Variants in DNM3 observed in about 807,000 individuals in gnomAD.
DNM3 encodes dynamin 3.
In DNM3, 47 loss-of-function variants were observed where a neutral mutation model predicts 101.6. The ratio of observed to expected loss-of-function variants is 0.46; its 90% confidence interval spans 0.37 to 0.59. The LOEUF (loss-of-function observed/expected upper bound fraction) is 0.59, where lower values mean the gene tolerates loss of function less well. Among genes scored for constraint, DNM3 ranks in the 20% least tolerant of loss-of-function variants. The pLI, the probability that DNM3 is intolerant of heterozygous loss-of-function variation, is 0.00. For missense variants in DNM3, 849 were observed against 1,085.7 expected (o/e 0.78, Z 3.06); for synonymous variants, 385 against 387.9 (o/e 0.99, Z 0.09).
chr1:172,367,898 G>A (rs188948153), intron 17 of DNM3, among the ~76,000 whole-genome samples: 12 of 151,922 alleles, frequency 7.9e-5, no homozygotes, highest in Admixed American at 3.9e-4. Flanking sequence ...AATCATGGGG[G>A]TGGTTTCCCC....
chr1:172,115,793 T>C (rs2055847182), intron 13 of DNM3, among the ~76,000 whole-genome samples: 1 of 152,206 alleles, frequency 6.6e-6, no homozygotes, highest in Non-Finnish European at 1.5e-5. Flanking sequence ...GTGAAAAACA[T>C]CATTTTCTCT....
intron 15 of DNM3, chr1:172,289,916 T>C (rs1245227660): frequency 7.3e-6 from 7 of 956,638 alleles, no homozygotes; most frequent in Non-Finnish European, 8.7e-6. Context: ...ACTGTAGATA[T>C]GTGAAATCAG....
At chr1:172,196,710 A>G (rs374853289) in intron 14 of DNM3, among the ~76,000 whole-genome samples, 3 of 152,010 alleles carry the variant, frequency 2.0e-5, no homozygotes, top group East Asian at 3.9e-4. Flanking sequence ...TCTTCTGTTG[A>G]GAAGTCTCTG....
chr1:171,998,533 T>G (rs2046154978), intron 4 of DNM3, among the ~76,000 whole-genome samples: 1 of 152,164 alleles, frequency 6.6e-6, no homozygotes, highest in African/African-American at 2.4e-5. Context: ...AAATAATGAA[T>G]GCTCACTTAC....
intron 15 of DNM3, among the ~76,000 whole-genome samples, chr1:172,283,214 C>T (rs1024887734): frequency 6.6e-6 from 1 of 152,172 alleles, no homozygotes; most frequent in Non-Finnish European, 1.5e-5. Flanking sequence ...CTGCTGTCAT[C>T]TTGCAGATAT....
chr1:172,373,231 T>C (rs774795669), intron 17 of DNM3, among the ~76,000 whole-genome samples: 6 of 152,070 alleles, frequency 3.9e-5, no homozygotes, highest in Non-Finnish European at 7.4e-5. Flanking sequence ...TTAGCAAAAT[T>C]CGCATCTTTA....
chr1:172,239,492 T>C (rs1392163150), intron 14 of DNM3, among the ~76,000 whole-genome samples: 1 of 152,076 alleles, frequency 6.6e-6, no homozygotes, highest in Non-Finnish European at 1.5e-5. Context: ...AGAAGAGAAA[T>C]CGAGGAACTT....
chr1:172,295,556 G>A (rs540150111), intron 15 of DNM3, among the ~76,000 whole-genome samples: 5 of 152,014 alleles, frequency 3.3e-5, no homozygotes, highest in East Asian at 3.9e-4. Context: ...TAAAATATAC[G>A]TATATATATA....
chr1:171,975,057 A>G (rs1184349865), intron 2 of DNM3, among the ~76,000 whole-genome samples: 2 of 151,902 alleles, frequency 1.3e-5, no homozygotes, highest in Non-Finnish European at 2.9e-5. Context: ...GAGTCTTGCT[A>G]TATTGCCCAT....
chr1:171,880,536 A>C (rs1306472046), intron 1 of DNM3, among the ~76,000 whole-genome samples: 2 of 152,240 alleles, frequency 1.3e-5, no homozygotes, highest in Non-Finnish European at 2.9e-5. Flanking sequence ...TGAATAAATA[A>C]TGAATTTAAA....
intron 2 of DNM3, 102 bp downstream of exon 2, chr1:171,921,923 C>T (rs1163224977): frequency 5.0e-6 from 5 of 994,600 alleles, no homozygotes; most frequent in East Asian, 2.6e-5. Context: ...TTGTGATCGC[C>T]CCACTGTGGG....
intron 15 of DNM3, among the ~76,000 whole-genome samples, chr1:172,268,719 AT>A (rs1214007905): frequency 6.6e-6 from 1 of 152,172 alleles, no homozygotes; most frequent in Non-Finnish European, 1.5e-5. Context: ...AGACAACATA[AT>A]TTCTTGAGTA....
chr1:172,071,680 T>G (rs1319160734), intron 11 of DNM3, among the ~76,000 whole-genome samples: 1 of 152,326 alleles, frequency 6.6e-6, no homozygotes, highest in Non-Finnish European at 1.5e-5. Context: ...AATCTGTCTG[T>G]AGCTTTTTCT....
chr1:172,314,938 C>T (rs980005787), intron 16 of DNM3, among the ~76,000 whole-genome samples: 43 of 152,320 alleles, frequency 2.8e-4, no homozygotes, highest in Non-Finnish European at 5.4e-4. Flanking sequence ...ACTGCCTCCT[C>T]AAGTGGGTCC....
chr1:172,415,913 A>G (rs2149145355), downstream of DNM3, among the ~76,000 whole-genome samples: 1 of 152,144 alleles, frequency 6.6e-6, no homozygotes, highest in East Asian at 1.9e-4. Flanking sequence ...TCACCATAAG[A>G]CCAAATTTCA....
chr1:172,172,105 A>G (rs1392971791), intron 14 of DNM3, among the ~76,000 whole-genome samples: 3 of 151,688 alleles, frequency 2.0e-5, no homozygotes, highest in African/African-American at 7.3e-5. Flanking sequence ...GGGATGTAAC[A>G]GGGAAAGGGT....
chr1:171,972,869 A>AAAC (rs151021588), intron 2 of DNM3, among the ~76,000 whole-genome samples: 78,536 of 151,058 alleles, frequency 0.52, 21,748 homozygotes, highest in East Asian at 0.73. Flanking sequence ...CAAAAAACAA[A>AAAC]AACAACAACA....
At chr1:172,382,688 T>C (rs1477864277) in intron 18 of DNM3, among the ~76,000 whole-genome samples, 1 of 152,172 alleles carries the variant, frequency 6.6e-6, no homozygotes, top group African/African-American at 2.4e-5. Flanking sequence ...TCATGAGTTA[T>C]TTTCCCAGAC....
intron 4 of DNM3, among the ~76,000 whole-genome samples, chr1:172,007,149 G>A (rs1464729144): frequency 6.6e-6 from 1 of 151,992 alleles, no homozygotes; most frequent in Non-Finnish European, 1.5e-5. Flanking sequence ...ATGTTCATAT[G>A]TTTCATTTCA....
Sources: allele counts gnomAD v4.1 joint callset (sites outside exome capture counted in the v4.1 genomes callset), GRCh38; gene constraint gnomAD v4.1.1; transcripts MANE v1.5; gene names NCBI Gene and HGNC (gene_info 2026-07-23, HGNC 2026-07-21).